The following AATK variants were observed in gnomAD, a reference collection of about 807,000 sequenced individuals.
AATK encodes serine/threonine-protein kinase LMTK1.
A neutral mutation model predicts 114.3 loss-of-function variants in AATK; 91 were observed. The observed-to-expected ratio is 0.80, with a 90% CI of 0.67 to 0.95. The LOEUF (loss-of-function observed/expected upper bound fraction) is 0.95. Ranked by LOEUF, AATK falls within the 40% of genes least tolerant of loss-of-function variation. The pLI is 0.00. For missense variants in AATK, 2,176 were observed against 1,965.2 expected (o/e 1.11, Z -2.03); for synonymous variants, 1,075 against 916.5 (o/e 1.17, Z -3.12).
At chr17:81,128,611 C>T in intron 3 of AATK, 62 bp from the exon 4 acceptor site, 1 of 1,543,594 alleles carries the variant, frequency 6.5e-7, no homozygotes, top group Non-Finnish European at 8.7e-7. Flanking sequence ...GCTTCCTCAC[C>T]CGGCCCCTGG....
chr17:81,150,674 G>A (rs1209183891), intron 1 of AATK, among the ~76,000 whole-genome samples: 10 of 152,162 alleles, frequency 6.6e-5, no homozygotes, highest in Admixed American at 6.5e-4. Flanking sequence ...CCCTGGCACT[G>A]CCACGTGGAA....
chr17:81,161,230 G>A (rs2061426331), intron 1 of AATK, among the ~76,000 whole-genome samples: 1 of 152,124 alleles, frequency 6.6e-6, no homozygotes, highest in Non-Finnish European at 1.5e-5. Flanking sequence ...CATGGGCAGG[G>A]CCACTCCCTC....
At chr17:81,127,995 C>T (rs962563894) in intron 4 of AATK, 85 bp from the exon 5 acceptor site, 103 of 1,500,950 alleles carry the variant, frequency 6.9e-5, no homozygotes, top group Middle Eastern at 2.4e-4. Flanking sequence ...ACCCGCCCCA[C>T]GCCGGCCCCC....
Position 81,121,268 on chromosome 17 carries a change from A to G in AATK, c.2668T>C (p.Phe890Leu). The part of the protein sequence containing the change: ...QARRPDVVPA[F>L]RSLQKQVGTP... ...CCCACCTGCTTCTGCAGAGAGCGGA[A>G]GGCTGGCACCACATCCGGCCTCCTG... Residue 890 changes from phenylalanine to leucine, a missense_variant, in exon 11 of 14, where the codon TTC becomes CTC. Phe to Leu is a conservative substitution (Grantham distance 22). Transcript: ENST00000326724. 1.2e-6 allele frequency: 2 copies of G among 1,610,964 alleles called. No homozygotes were observed. The highest frequency in any genetic ancestry group is 1.7e-6 in the Non-Finnish European group (2 of 1,179,296).
chr17:81,165,930 G>A lies in AATK; in HGVS notation c.55+8C>T. On this transcript the variant is annotated splice_region_variant and intron_variant, in intron 1 of 13. Coordinates refer to ENST00000326724, the MANE Select transcript of AATK (RefSeq NM_001080395.3). Reference sequence around the variant, plus strand: ...AGCGGCGCGCAGGCCGGGCCGCCAGGGACTCACCGGGGTCGAAGTGCGAGC... The same window carrying A: ...AGCGGCGCGCAGGCCGGGCCGCCAGAGACTCACCGGGGTCGAAGTGCGAGC... 1.9e-6 allele frequency: 3 copies of A among 1,577,636 alleles called. No individual in the cohort carries two copies. Among genetic ancestry groups the A allele is most frequent in the Non-Finnish European group, 2.6e-6 (3 of 1,163,370 alleles).
At position 81,154,774 on chromosome 17, in the gene AATK, C is replaced by T. The variant is rs1288977320; in HGVS notation, c.55+11164G>A. Among the ~76,000 whole-genome samples, 5 of 141,806 alleles carry T rather than the reference C, an allele frequency of 3.5e-5. 1 individual carries two copies. Among genetic ancestry groups the T allele is most frequent in the Admixed American group, 3.4e-4 (5 of 14,826 alleles). The allele number at this position is 141,806 out of a possible 152,430, so 93.0% of individuals were successfully genotyped here. ...CCTCCCAAGTAGCTGGGATTACAGACTTGCGCCATCACACCCGGCTAATTT... is the reference window on the plus strand; with the variant it reads ...CCTCCCAAGTAGCTGGGATTACAGATTTGCGCCATCACACCCGGCTAATTT... On this transcript the variant is annotated intron_variant, in intron 1 of 13. Transcript: ENST00000326724.
chr17:81,165,664 C>T, intron 1 of AATK: 1 of 1,502,520 alleles, frequency 6.7e-7, no homozygotes, highest in Non-Finnish European at 8.9e-7. Context: ...CCACGCAGGC[C>T]CTCCGTGCCC....
rs534185333 is a variant in AATK, at chr17:81,121,141, G to A, written c.2795C>T (p.Pro932Leu). 28 of 1,605,108 alleles carry A rather than the reference G, an allele frequency of 1.7e-5. No homozygotes were observed. Among genetic ancestry groups the A allele is most frequent in the Middle Eastern group, 3.3e-4 (2 of 6,054 alleles). ...PSATGPSGGQ[P>L]RALDSGYDTE... is the part of the protein sequence containing the mutation. ...GTCATAGCCACTGTCCAGCGCTCGC[G>A]GCTGCCCTCCAGAGGGGCCAGTGGC... Residue 932 changes from proline to leucine, a missense_variant, in exon 11 of 14, where the codon CCG becomes CTG. Transcript: ENST00000326724.
Position 81,130,436 on chromosome 17 carries a change from G to A in AATK, c.334+625C>T, listed in dbSNP as rs556226732. 2.6e-5 allele frequency among the ~76,000 whole-genome samples: 4 copies of A among 152,306 alleles called. No individual in the cohort carries two copies. The East Asian group carries it at 5.8e-4, about 22-fold the overall frequency. On this transcript the variant is annotated intron_variant, in intron 3 of 13. Transcript: ENST00000326724. ...GTGAGTGGTCGGCCTAGGACCCTAG[G>A]ATGGGGGCAGATGAGGCTGTGGCTG... is the stretch of plus-strand genomic sequence containing the variant.
intron 2 of AATK, chr17:81,131,938 C>T (rs1158039314): frequency 1.5e-6 from 2 of 1,343,850 alleles, no homozygotes; most frequent in Admixed American, 4.0e-5. Flanking sequence ...CTTGGACCTT[C>T]ACCTGGTGGC....
At chr17:81,154,122 A>G (rs74974744) in intron 1 of AATK, among the ~76,000 whole-genome samples, 1 of 151,978 alleles carries the variant, frequency 6.6e-6, no homozygotes, top group African/African-American at 2.4e-5. Flanking sequence ...GTAGAAGATG[A>G]ATGTGAGCGT....
chr17:81,144,803 G>A (rs901876672), intron 1 of AATK, among the ~76,000 whole-genome samples: 7 of 152,236 alleles, frequency 4.6e-5, no homozygotes, highest in East Asian at 3.8e-4. Flanking sequence ...AGCTAACAGC[G>A]TGGAAAAAGA....
chr17:81,143,274 C>G (rs562773056), intron 1 of AATK, among the ~76,000 whole-genome samples: 1 of 152,098 alleles, frequency 6.6e-6, no homozygotes, highest in South Asian at 2.1e-4. Context: ...GCAGCCTGTG[C>G]GGGACCCTGG....
intron 6 of AATK, 57 bp downstream of exon 6, chr17:81,127,526 G>A: frequency 6.6e-7 from 1 of 1,517,440 alleles, no homozygotes; most frequent in Non-Finnish European, 9.0e-7. Flanking sequence ...CACTGGCAGG[G>A]CAAGGGAGGG....
At chr17:81,158,974 G>A (rs115154858) in intron 1 of AATK, among the ~76,000 whole-genome samples, 162 of 152,276 alleles carry the variant, frequency 1.1e-3, no homozygotes, top group African/African-American at 3.6e-3. Context: ...GCCCAAAGAG[G>A]ACAAGGCCAC....
Position 81,126,014 on chromosome 17 carries a change from C to A in AATK, c.755+413G>T. The A allele has an allele frequency of 2.1e-6, 1 of 476,598 alleles. No individual in the cohort carries two copies. The allele number at this position is 476,598 out of a possible 1,614,324, so 29.5% of individuals were successfully genotyped here. A position where few individuals can be genotyped will look rare whatever the true frequency, so the allele number is the denominator to read the frequency against. On this transcript the variant is annotated intron_variant, in intron 7 of 13. Coordinates refer to ENST00000326724, the MANE Select transcript of AATK (RefSeq NM_001080395.3). This position sits in a 1 kb window ranked among gnomAD's most constrained non-coding sequence, Gnocchi z 5.1. ...TCCTTCGCCACTTCTTCCAGCATGTCCCCCCGGGGTCCCCAGGGGCTGGGC... is the reference window on the plus strand; with the variant it reads ...TCCTTCGCCACTTCTTCCAGCATGTACCCCCGGGGTCCCCAGGGGCTGGGC...
At position 81,127,811 on chromosome 17, in the gene AATK, C is replaced by G. The variant is rs2060867934; in HGVS notation, c.514G>C (p.Glu172Gln). Residue 172 changes from glutamate to glutamine, a missense_variant, in exon 5 of 14, where the codon GAG (glutamate) becomes CAG (glutamine). Transcript: ENST00000326724. ...TCCCACCTGTAGGGCTGCACCTCCT[C>G]CAGGAACTGCATCTGCTCCTGCACG... ...ASVQEQMQFL[E>Q]EVQPYRALKH... 6.6e-7 allele frequency: 1 copy of G among 1,516,674 alleles called. No homozygotes were observed. Among genetic ancestry groups the G allele is most frequent in the Non-Finnish European group, 8.9e-7 (1 of 1,117,564 alleles). The allele number at this position is 1,516,674 out of a possible 1,614,324, so 94.0% of individuals were successfully genotyped here. A position where few individuals can be genotyped will look rare whatever the true frequency, so the allele number is the denominator to read the frequency against.
At chr17:81,127,208 C>G (rs2060850278) in intron 6 of AATK, among the ~76,000 whole-genome samples, 1 of 152,038 alleles carries the variant, frequency 6.6e-6, no homozygotes, top group African/African-American at 2.4e-5. Context: ...GTGGCCAGGC[C>G]CAGCCCCCCA....
chr17:81,128,782 G>T, intron 3 of AATK: 6 of 1,332,962 alleles, frequency 4.5e-6, no homozygotes, highest in Non-Finnish European at 5.8e-6. Flanking sequence ...CATCTTTCTG[G>T]GTAGGTCTGG....
Sources: allele counts gnomAD v4.1 joint callset (sites outside exome capture counted in the v4.1 genomes callset), GRCh38; gene constraint gnomAD v4.1.1; non-coding constraint Gnocchi (gnomAD v3.1); transcripts MANE v1.5; gene names NCBI Gene and HGNC (gene_info 2026-07-23, HGNC 2026-07-21).